The following RIMS2 variants were observed in gnomAD, a reference collection of about 807,000 sequenced individuals.
The protein encoded by RIMS2 is regulating synaptic membrane exocytosis protein 2.
Under a neutral mutation model 174.4 loss-of-function variants are expected in RIMS2, and 59 were observed. The observed-to-expected ratio is 0.34, with a 90% CI of 0.27 to 0.42. RIMS2 has a LOEUF of 0.42. Among genes scored for constraint, RIMS2 ranks in the 10% least tolerant of loss-of-function variants. The probability of loss-of-function intolerance (pLI) is 1.00; values close to 1 mark genes in which losing one functional copy is unlikely to be tolerated. For missense variants in RIMS2, 1,620 were observed against 1,666.3 expected (o/e 0.97, Z 0.48); for synonymous variants, 606 against 572.5 (o/e 1.06, Z -0.84).
chr8:104,105,755 A>G (rs1053876423), intron 19 of RIMS2, among the ~76,000 whole-genome samples: 1 of 151,884 alleles, frequency 6.6e-6, no homozygotes. Flanking sequence ...AAAAATTTAG[A>G]AGGCTGGGCA....
At chr8:104,083,143 G>T (rs2154563494) in intron 19 of RIMS2, among the ~76,000 whole-genome samples, 1 of 152,222 alleles carries the variant, frequency 6.6e-6, no homozygotes, top group Non-Finnish European at 1.5e-5. Flanking sequence ...AATTATATTT[G>T]CCCTATCCCT....
At chr8:103,781,878 A>C (rs540040896) in intron 3 of RIMS2, among the ~76,000 whole-genome samples, 7 of 150,444 alleles carry the variant, frequency 4.7e-5, no homozygotes, top group Admixed American at 2.7e-4. Flanking sequence ...CTCCCAAGTA[A>C]CTGGGATTAC....
At chr8:103,529,715 C>A (rs1328079425) in intron 1 of RIMS2, among the ~76,000 whole-genome samples, 1 of 152,224 alleles carries the variant, frequency 6.6e-6, no homozygotes, top group Non-Finnish European at 1.5e-5. Flanking sequence ...TCTTCCGTGT[C>A]GCTCACGCTG....
At chr8:103,792,905 A>T (rs142854657) in intron 3 of RIMS2, among the ~76,000 whole-genome samples, 9,984 of 152,226 alleles carry the variant, frequency 0.066, 373 homozygotes, top group Non-Finnish European at 0.079. Context: ...CCCTGAATAG[A>T]CCAATAACAG....
At chr8:104,103,848 T>A (rs1236577297) in intron 19 of RIMS2, among the ~76,000 whole-genome samples, 1 of 152,188 alleles carries the variant, frequency 6.6e-6, no homozygotes, top group Non-Finnish European at 1.5e-5. Context: ...TGATACGCCA[T>A]CATATTATTT....
Position 103,895,810 on chromosome 8 carries a change from A to C in RIMS2, c.1624+9587A>C, listed in dbSNP as rs561807154. Among the ~76,000 whole-genome samples the C allele has an allele frequency of 7.3e-5, 11 of 151,580 alleles. No individual in the cohort carries two copies. The South Asian group carries it at 2.3e-3, about 31-fold the overall frequency. On this transcript the variant is annotated intron_variant, in intron 4 of 23. Transcript: ENST00000504942. Reference sequence around the variant, plus strand: ...TTTTTATAGTAACTTTCTTGGACTTAAAATGTAGAATTTGTCTCCCTGTGG... The same window carrying C: ...TTTTTATAGTAACTTTCTTGGACTTCAAATGTAGAATTTGTCTCCCTGTGG...
At chr8:103,582,231 A>G (rs2093660051) in intron 1 of RIMS2, among the ~76,000 whole-genome samples, 1 of 152,100 alleles carries the variant, frequency 6.6e-6, no homozygotes, top group African/African-American at 2.4e-5. Flanking sequence ...TCCTGGAAGC[A>G]TTCATCACCT....
At chr8:104,204,720 G>A (rs2099071684) in intron 19 of RIMS2, among the ~76,000 whole-genome samples, 1 of 152,192 alleles carries the variant, frequency 6.6e-6, no homozygotes, top group Non-Finnish European at 1.5e-5. Context: ...CTATGACAAA[G>A]CTAGTACTCA....
chr8:104,129,933 G>A (rs887541787), intron 19 of RIMS2, among the ~76,000 whole-genome samples: 4 of 152,094 alleles, frequency 2.6e-5, no homozygotes, highest in Admixed American at 1.3e-4. Flanking sequence ...TATTAGGAAG[G>A]TTTACTTTAT....
intron 3 of RIMS2, among the ~76,000 whole-genome samples, chr8:103,877,618 G>A (rs762560147): frequency 5.3e-5 from 8 of 151,770 alleles, no homozygotes; most frequent in Non-Finnish European, 1.2e-4. Context: ...ATCCCATTCT[G>A]TTTTATTTAC....
chr8:104,150,061 T>A (rs1028294844), intron 19 of RIMS2, among the ~76,000 whole-genome samples: 5 of 152,202 alleles, frequency 3.3e-5, no homozygotes, highest in African/African-American at 9.6e-5. Context: ...TTATACCTAA[T>A]TAACTATGTT....
chr8:103,568,669 A>C (rs569697155), intron 1 of RIMS2: 2 of 669,590 alleles, frequency 3.0e-6, no homozygotes, highest in Non-Finnish European at 5.6e-6. Flanking sequence ...ATTTCCCTAG[A>C]TAAACAATAT....
At chr8:103,705,458 C>A (rs2097213620) in intron 2 of RIMS2, among the ~76,000 whole-genome samples, 1 of 151,904 alleles carries the variant, frequency 6.6e-6, no homozygotes, top group Non-Finnish European at 1.5e-5. Context: ...TCAGTTAGGT[C>A]CATTTGGTCT....
intron 1 of RIMS2, among the ~76,000 whole-genome samples, chr8:103,672,102 A>T (rs1590062448): frequency 6.6e-6 from 1 of 152,216 alleles, no homozygotes; most frequent in Non-Finnish European, 1.5e-5. Flanking sequence ...AGGGATAAAT[A>T]AAAGGTTTTA....
At chr8:104,165,390 A>T (rs1249443938) in intron 19 of RIMS2, among the ~76,000 whole-genome samples, 2 of 151,978 alleles carry the variant, frequency 1.3e-5, no homozygotes, top group African/African-American at 4.8e-5. Flanking sequence ...TATTCCTTAG[A>T]CCTACTTCTT....
At chr8:103,588,499 C>A (rs1271378402) in intron 1 of RIMS2, among the ~76,000 whole-genome samples, 1 of 151,872 alleles carries the variant, frequency 6.6e-6, no homozygotes, top group African/African-American at 2.4e-5. Context: ...CATTACCTGA[C>A]TTCAAATTAT....
intron 1 of RIMS2, among the ~76,000 whole-genome samples, chr8:103,523,621 G>A (rs183123681): frequency 7.2e-5 from 11 of 152,200 alleles, no homozygotes; most frequent in Admixed American, 6.6e-4. Flanking sequence ...GGTGTTGGGG[G>A]ACATGATGAT....
chr8:103,581,248 C>A (rs1377584196), intron 1 of RIMS2, among the ~76,000 whole-genome samples: 1 of 152,088 alleles, frequency 6.6e-6, no homozygotes, highest in Non-Finnish European at 1.5e-5. Context: ...ACTAGCAAAC[C>A]AAATTCAACA....
At chr8:103,703,265 T>A (rs1262397174) in intron 2 of RIMS2, among the ~76,000 whole-genome samples, 2 of 152,140 alleles carry the variant, frequency 1.3e-5, no homozygotes, top group Non-Finnish European at 2.9e-5. Context: ...TAAGACAAAG[T>A]CTTCCTCTTT....
Sources: allele counts gnomAD v4.1 joint callset (sites outside exome capture counted in the v4.1 genomes callset), GRCh38; gene constraint gnomAD v4.1.1; transcripts MANE v1.5; gene names NCBI Gene and HGNC (gene_info 2026-07-23, HGNC 2026-07-21).